Variants in SCFD1 observed in about 807,000 individuals in gnomAD.
SCFD1 encodes sec1 family domain containing 1.
In SCFD1, 37 loss-of-function variants were observed where a neutral mutation model predicts 103.2. That is an observed-to-expected ratio of 0.36 (90% CI 0.28 to 0.47). The LOEUF (loss-of-function observed/expected upper bound fraction) is 0.47, where lower values mean the gene tolerates loss of function less well. Among genes scored for constraint, SCFD1 ranks in the 20% least tolerant of loss-of-function variants. The pLI is 1.00. For missense variants in SCFD1, 639 were observed against 761.2 expected (o/e 0.84, Z 1.89); for synonymous variants, 264 against 245.0 (o/e 1.08, Z -0.73).
chr14:30,680,132 G>A (rs1302621398), intron 14 of SCFD1, among the ~76,000 whole-genome samples: 1 of 152,052 alleles, frequency 6.6e-6, no homozygotes, highest in Non-Finnish European at 1.5e-5. Flanking sequence ...ACTTTTTCTT[G>A]CTCTTGGCTC....
At position 30,734,795 on chromosome 14, in the gene SCFD1, A is replaced by G; in HGVS notation, c.1842A>G (p.Lys614=). The part of the protein sequence containing the change: ...YQNLVDYIKG[K]QGKHILYGCS... ...TCTGACTCTGATTTTTACAGGGGAA[A>G]CAAGGCAAACACATTTTATATGGCT... The change falls in exon 24 of 25, where the codon AAA becomes AAG. Residue 614 remains lysine (K), a synonymous_variant. Transcript: ENST00000458591. 1 of 1,612,704 alleles carries G rather than the reference A, an allele frequency of 6.2e-7. No individual in the cohort carries two copies. Among genetic ancestry groups the G allele is most frequent in the South Asian group, 1.1e-5 (1 of 91,038 alleles).
chr14:30,630,535 A>G lies in SCFD1; in HGVS notation c.191A>G (p.Glu64Gly), dbSNP rs1301983273. 6.3e-7 allele frequency: 1 copy of G among 1,597,704 alleles called. No homozygotes were observed. The highest frequency in any genetic ancestry group is 8.6e-7 in the Non-Finnish European group (1 of 1,166,018). Residue 64 changes from glutamate to glycine, a missense_variant, in exon 3 of 25, where the codon GAG (glutamate) becomes GGG (glycine). Physicochemically the swap from Glu to Gly is moderately conservative, Grantham distance 98. Transcript: ENST00000458591. ...DIISPLLSVK[E>G]LRDMGITLHL... The stretch of plus-strand genomic sequence containing the variant: ...ATCTCTCCTCTGCTATCTGTGAAGG[A>G]GCTAAGAGACATGGGAATCACTCTG...
At chr14:30,669,251 A>G (rs573627235) in intron 10 of SCFD1, among the ~76,000 whole-genome samples, 17 of 152,228 alleles carry the variant, frequency 1.1e-4, no homozygotes, top group African/African-American at 4.1e-4. Flanking sequence ...GACCTAGAAT[A>G]ATCATTAATT....
At chr14:30,721,735 A>C in intron 21 of SCFD1, 149 bp from the exon 22 acceptor site, 1 of 648,104 alleles carries the variant, frequency 1.5e-6, no homozygotes, top group Non-Finnish European at 2.7e-6. Flanking sequence ...TGGCTCAGCA[A>C]AATTAAAGGA....
intron 10 of SCFD1, among the ~76,000 whole-genome samples, chr14:30,666,866 G>A (rs534537881): frequency 5.3e-5 from 8 of 152,174 alleles, no homozygotes; most frequent in African/African-American, 1.7e-4. Flanking sequence ...AATTTGAATT[G>A]CTGAATAGAC....
chr14:30,625,833 C>T (rs1162286221), intron 1 of SCFD1, among the ~76,000 whole-genome samples: 1 of 151,966 alleles, frequency 6.6e-6, no homozygotes, highest in African/African-American at 2.4e-5. Flanking sequence ...GCTGAGAAGG[C>T]GAATGTAGGA....
intron 7 of SCFD1, 122 bp downstream of exon 7, chr14:30,643,527 A>G (rs1390104066): frequency 1.5e-6 from 1 of 685,542 alleles, no homozygotes; most frequent in Non-Finnish European, 2.6e-6. Flanking sequence ...TCTCGAGTGG[A>G]GTAAAATATA....
chr14:30,697,045 G>A (rs148986894), intron 15 of SCFD1, among the ~76,000 whole-genome samples: 93 of 152,114 alleles, frequency 6.1e-4, no homozygotes, highest in African/African-American at 2.1e-3. Context: ...TTCAGATACA[G>A]AAATAAATAT....
At chr14:30,628,803 ACT>A (rs1399285185) in intron 2 of SCFD1, among the ~76,000 whole-genome samples, 3 of 152,016 alleles carry the variant, frequency 2.0e-5, no homozygotes, top group African/African-American at 7.2e-5. Flanking sequence ...CTTCATGCAG[ACT>A]CTCTTTCTTC....
chr14:30,642,513 A>G (rs143391558), intron 6 of SCFD1, among the ~76,000 whole-genome samples: 2,444 of 152,310 alleles, frequency 0.016, 19 homozygotes, highest in Middle Eastern at 0.065. Context: ...GGTGATTCTT[A>G]TACTCAGTAA....
chr14:30,658,000 T>A, intron 10 of SCFD1: 1 of 423,694 alleles, frequency 2.4e-6, no homozygotes. Context: ...AACTTTGCAG[T>A]GCCCATCTCC....
chr14:30,625,739 G>A (rs1170702525), intron 1 of SCFD1, among the ~76,000 whole-genome samples: 2 of 151,422 alleles, frequency 1.3e-5, no homozygotes, highest in African/African-American at 4.9e-5. Context: ...ATATCAATAG[G>A]TATATTGATA....
chr14:30,661,176 CTT>C (rs1219260556), intron 10 of SCFD1, among the ~76,000 whole-genome samples: 1 of 152,122 alleles, frequency 6.6e-6, no homozygotes, highest in Non-Finnish European at 1.5e-5. Context: ...TGACTGTTGA[CTT>C]TGCACACAAT....
chr14:30,651,687 T>G (rs1886405303), intron 9 of SCFD1, among the ~76,000 whole-genome samples: 1 of 152,184 alleles, frequency 6.6e-6, no homozygotes, highest in South Asian at 2.1e-4. Flanking sequence ...TTTGGATAAT[T>G]TTTTTAAATT....
intron 10 of SCFD1, 165 bp from the exon 11 acceptor site, chr14:30,670,091 A>T: frequency 1.7e-6 from 1 of 585,294 alleles, no homozygotes; most frequent in Non-Finnish European, 2.9e-6. Context: ...TACTTTCATT[A>T]AAATACAGAA....
rs1240665369 is a variant in SCFD1 at position 30,638,365 on chromosome 14, G to A, written c.435+118G>A. On this transcript the variant is annotated intron_variant, in intron 5 of 24. Coordinates refer to ENST00000458591, the MANE Select transcript of SCFD1 (RefSeq NM_016106.4). The stretch of plus-strand genomic sequence containing the variant: ...ATGACCAGAACAACAGAATTGTTTA[G>A]GCTCAATACTTTTATAAAGAGTTCT... 2.9e-6 allele frequency: 4 copies of A among 1,388,746 alleles called. 1 individual carries two copies. Among genetic ancestry groups the A allele is most frequent in the Non-Finnish European group, 3.9e-6 (4 of 1,022,942 alleles). The allele number at this position is 1,388,746 out of a possible 1,614,324, so 86.0% of individuals were successfully genotyped here. A position where few individuals can be genotyped will look rare whatever the true frequency, so the allele number is the denominator to read the frequency against.
intron 17 of SCFD1, among the ~76,000 whole-genome samples, chr14:30,705,389 A>G (rs1398705621): frequency 6.6e-6 from 1 of 152,218 alleles, no homozygotes; most frequent in Non-Finnish European, 1.5e-5. Flanking sequence ...TAAGCCATCA[A>G]GTCTCTACAT....
intron 16 of SCFD1, 56 bp from the exon 17 acceptor site, chr14:30,702,240 A>G: frequency 1.7e-6 from 2 of 1,161,472 alleles, no homozygotes; most frequent in Admixed American, 2.1e-5. Flanking sequence ...ATGGCAACAA[A>G]TAACATCTTT....
intron 18 of SCFD1, among the ~76,000 whole-genome samples, chr14:30,706,365 A>G (rs1594740454): frequency 6.6e-6 from 1 of 152,248 alleles, no homozygotes; most frequent in African/African-American, 2.4e-5. Context: ...ATACACCTAA[A>G]TGTTAATAGT....
Sources: gnomAD v4.1 joint callset for allele counts (sites outside exome capture counted in the v4.1 genomes callset) on GRCh38, gnomAD v4.1.1 for gene constraint, MANE v1.5 for transcripts, NCBI Gene and HGNC (gene_info 2026-07-23, HGNC 2026-07-21) for gene names.